CSMD1: variants seen among roughly 807,000 people sequenced by gnomAD.
CSMD1 encodes the protein CUB and sushi domain-containing protein 1.
CSMD1 carries 213 observed loss-of-function variants against 417.5 expected under a neutral mutation model. That is an observed-to-expected ratio of 0.51 (90% CI 0.46 to 0.57). The LOEUF (loss-of-function observed/expected upper bound fraction) is 0.57, where lower values mean the gene tolerates loss of function less well. Among genes scored for constraint, CSMD1 ranks in the 20% least tolerant of loss-of-function variants. The pLI is 0.00. For synonymous variants in CSMD1, 2,862 were observed against 1,736.8 expected, an observed-to-expected ratio of 1.65 and a Z score of -16.11; for missense variants, 6,923 against 4,529.7, an observed-to-expected ratio of 1.53 and a Z score of -15.17.
At chr8:3,531,841 G>A (rs1403723718) in intron 10 of CSMD1, among the ~76,000 whole-genome samples, 1 of 152,094 alleles carries the variant, frequency 6.6e-6, no homozygotes, top group African/African-American at 2.4e-5. Flanking sequence ...AGAGAGAAAC[G>A]GCTACGTGGG....
chr8:4,369,124 C>A (rs565444798), intron 3 of CSMD1, among the ~76,000 whole-genome samples: 2 of 152,110 alleles, frequency 1.3e-5, no homozygotes, highest in Non-Finnish European at 2.9e-5. Context: ...TAGCTGTTTC[C>A]CAGAGATTCT....
intron 7 of CSMD1, among the ~76,000 whole-genome samples, chr8:3,703,236 G>A (rs892822335): frequency 1.3e-5 from 2 of 152,118 alleles, no homozygotes; most frequent in African/African-American, 2.4e-5. Context: ...AAAGACTACA[G>A]TCGCGCTGCC....
intron 4 of CSMD1, among the ~76,000 whole-genome samples, chr8:4,006,800 T>C (rs1288724525): frequency 6.6e-6 from 1 of 150,604 alleles, no homozygotes; most frequent in Non-Finnish European, 1.5e-5. Context: ...CTTTTGTCGC[T>C]GAGAGAATCC....
chr8:3,096,093 G>C (rs925788040), intron 47 of CSMD1, among the ~76,000 whole-genome samples: 2 of 152,036 alleles, frequency 1.3e-5, no homozygotes, highest in Non-Finnish European at 2.9e-5. Context: ...CTTGTGAATT[G>C]ATATTACATA....
At chr8:3,729,393 T>C (rs2129047053) in intron 6 of CSMD1, among the ~76,000 whole-genome samples, 1 of 152,298 alleles carries the variant, frequency 6.6e-6, no homozygotes, top group South Asian at 2.1e-4. Context: ...TTGTGCTCAG[T>C]CAGTTCTTAG....
intron 5 of CSMD1, among the ~76,000 whole-genome samples, chr8:3,779,149 T>TTGTG (rs56294437): frequency 0.04 from 5,851 of 147,492 alleles, 122 homozygotes; most frequent in Non-Finnish European, 0.048. Flanking sequence ...GCGTGCATAC[T>TTGTG]TGTGTGTGTG....
At position 3,399,583 on chromosome 8, in the gene CSMD1, A is replaced by C. The variant is rs919636960; in HGVS notation, c.2267-54T>G. 6 of 1,389,656 alleles carry C rather than the reference A, an allele frequency of 4.3e-6. 1 individual carries two copies. In the South Asian group the frequency reaches 7.7e-5, roughly 18 times the overall value. The allele number at this position is 1,389,656 out of a possible 1,614,324, so 86.1% of individuals were successfully genotyped here. A position where few individuals can be genotyped will look rare whatever the true frequency, so the allele number is the denominator to read the frequency against. On this transcript the variant is annotated intron_variant, in intron 15 of 69. Coordinates refer to ENST00000635120, the MANE Select transcript of CSMD1 (RefSeq NM_033225.6). The stretch of plus-strand genomic sequence containing the variant: ...ATCCAATGAGACAGAAGGATATGCC[A>C]TAACAATACCCGGATAAAAGCCAGA...
At chr8:3,617,206 A>T (rs1171691767) in intron 7 of CSMD1, among the ~76,000 whole-genome samples, 1 of 152,194 alleles carries the variant, frequency 6.6e-6, no homozygotes, top group Non-Finnish European at 1.5e-5. Context: ...ATATTTACTA[A>T]CTTCTATACA....
intron 3 of CSMD1, among the ~76,000 whole-genome samples, chr8:4,147,557 A>G (rs1464872394): frequency 6.6e-6 from 1 of 152,070 alleles, no homozygotes; most frequent in Non-Finnish European, 1.5e-5. Context: ...TCATGTATAA[A>G]CCTGTTTCTG....
At chr8:4,992,456 G>A (rs1344100501) in intron 1 of CSMD1, among the ~76,000 whole-genome samples, 1 of 152,184 alleles carries the variant, frequency 6.6e-6, no homozygotes, top group Non-Finnish European at 1.5e-5. Flanking sequence ...AGGAAGCCCC[G>A]GGCCCAGTTA....
chr8:4,419,689 C>A (rs1162174560), intron 3 of CSMD1, among the ~76,000 whole-genome samples: 1 of 152,106 alleles, frequency 6.6e-6, no homozygotes, highest in Non-Finnish European at 1.5e-5. Context: ...TTTCTCAAAA[C>A]TTATTCGCTA....
intron 3 of CSMD1, among the ~76,000 whole-genome samples, chr8:4,148,437 G>A (rs1454408490): frequency 6.6e-6 from 1 of 151,810 alleles, no homozygotes; most frequent in East Asian, 1.9e-4. Flanking sequence ...GTTAATTCCT[G>A]CAGCACACCA....
chr8:4,185,166 A>T (rs1336880098), intron 3 of CSMD1, among the ~76,000 whole-genome samples: 1 of 149,744 alleles, frequency 6.7e-6, no homozygotes, highest in Non-Finnish European at 1.5e-5. Flanking sequence ...AAAAAAAGCA[A>T]ACGAAGAAAA....
chr8:3,770,528 C>CA (rs1177311003), intron 5 of CSMD1, among the ~76,000 whole-genome samples: 1 of 151,792 alleles, frequency 6.6e-6, no homozygotes, highest in African/African-American at 2.4e-5. Flanking sequence ...GACTCCATCT[C>CA]AAAAAATAAA....
chr8:3,283,440 T>A (rs1327589913), intron 26 of CSMD1, among the ~76,000 whole-genome samples: 15 of 150,806 alleles, frequency 9.9e-5, no homozygotes, highest in South Asian at 4.2e-4. Flanking sequence ...AAGTCGTACG[T>A]TTTTTTTTTT....
At chr8:4,193,556 C>G (rs985875967) in intron 3 of CSMD1, among the ~76,000 whole-genome samples, 1 of 152,010 alleles carries the variant, frequency 6.6e-6, no homozygotes, top group Non-Finnish European at 1.5e-5. Flanking sequence ...TCACAAGAGG[C>G]TGTGGGAAAA....
intron 20 of CSMD1, among the ~76,000 whole-genome samples, chr8:3,364,882 G>C (rs374944895): frequency 1.3e-5 from 2 of 152,176 alleles, no homozygotes; most frequent in African/African-American, 2.4e-5. Context: ...GACAGTAGTC[G>C]TCAAAAGAGT....
chr8:3,345,791 GC>G (rs1468086592), intron 22 of CSMD1, among the ~76,000 whole-genome samples: 4 of 152,176 alleles, frequency 2.6e-5, no homozygotes, highest in Non-Finnish European at 1.5e-5. Context: ...CACACAGAAT[GC>G]TAGCATGACA....
At chr8:4,957,139 T>C (rs1022307148) in intron 1 of CSMD1, among the ~76,000 whole-genome samples, 49 of 152,146 alleles carry the variant, frequency 3.2e-4, no homozygotes, top group African/African-American at 1.2e-3. Flanking sequence ...GCAAATGAAA[T>C]CTGGCAATTA....
Sources: gnomAD v4.1 joint callset for allele counts (sites outside exome capture counted in the v4.1 genomes callset) on GRCh38, gnomAD v4.1.1 for gene constraint, MANE v1.5 for transcripts, NCBI Gene and HGNC (gene_info 2026-07-23, HGNC 2026-07-21) for gene names.